The following GPR141 variants were observed in gnomAD, a reference collection of about 807,000 sequenced individuals.
GPR141 encodes G protein-coupled receptor 141.
GPR141 carries 6 observed loss-of-function variants against 6.8 expected under a neutral mutation model. The observed-to-expected ratio is 0.88, with a 90% CI of 0.48 to 1.74. The LOEUF (loss-of-function observed/expected upper bound fraction) is 1.74. Among genes scored for constraint, GPR141 ranks in the 40% most tolerant of loss-of-function variants. The probability of loss-of-function intolerance (pLI) is 0.01; values close to 1 mark genes in which losing one functional copy is unlikely to be tolerated. For missense variants in GPR141, 372 were observed against 372.9 expected (o/e 1.00, Z 0.02); for synonymous variants, 140 against 142.3 (o/e 0.98, Z 0.11).
rs539358690 is a variant in GPR141, at chr7:37,743,199, C to T, written c.*1888C>T. ...TTTTTTTTTCATCAAGGTATATCTT[C>T]GGGATTTAAAAGTTTTTCATAATTT... On this transcript the variant is annotated 3_prime_UTR_variant, in exon 3 of 3. Transcript: ENST00000334425. Among the ~76,000 whole-genome samples, 28 of 144,476 alleles carry T rather than the reference C, an allele frequency of 1.9e-4. No homozygotes were observed. Among genetic ancestry groups the T allele is most frequent in the Non-Finnish European group, 2.7e-4 (18 of 66,342 alleles). 94.8% of individuals were successfully genotyped at this position (144,476 alleles called of 152,430 possible).
rs1812547195 is a variant in GPR141 at position 37,741,228 on chromosome 7, G to A, written c.835G>A (p.Asp279Asn). 3 of 1,612,652 alleles carry A rather than the reference G, an allele frequency of 1.9e-6. No homozygotes were observed. The highest frequency in any genetic ancestry group is 1.7e-5 in the Admixed American group (1 of 59,948). Residue 279 changes from aspartate (D) to asparagine (N), a missense_variant, in exon 3 of 3, where the codon GAT becomes AAT. Transcript: ENST00000334425. Reference protein sequence around the residue: ...FLSVTAISCYDLLLFVFGGSH... With the variant: ...FLSVTAISCYNLLLFVFGGSH... ...GAGTGTAACAGCAATTAGCTGCTATGATTTGCTTCTCTTTGTCTTTGGGGG... is the reference window on the plus strand; with the variant it reads ...GAGTGTAACAGCAATTAGCTGCTATAATTTGCTTCTCTTTGTCTTTGGGGG...
intron 2 of GPR141, among the ~76,000 whole-genome samples, chr7:37,727,804 C>T (rs187108068): frequency 1.3e-5 from 2 of 152,290 alleles, no homozygotes; most frequent in East Asian, 3.9e-4. Flanking sequence ...GTTGCCAAAA[C>T]AAGCTTTCAA....
intron 1 of GPR141, among the ~76,000 whole-genome samples, chr7:37,684,996 A>T (rs950828668): frequency 5.9e-5 from 9 of 152,210 alleles, no homozygotes; most frequent in South Asian, 2.1e-4. Context: ...AACTTTTTCT[A>T]CAAAAGCCTT....
chr7:37,725,933 A>G (rs1395581873), intron 2 of GPR141, among the ~76,000 whole-genome samples: 1 of 151,382 alleles, frequency 6.6e-6, no homozygotes, highest in Non-Finnish European at 1.5e-5. Context: ...ACTTTGGTTC[A>G]CTAATTGATT....
intron 2 of GPR141, among the ~76,000 whole-genome samples, chr7:37,722,990 CTTTCT>C (rs1215396782): frequency 2.3e-5 from 3 of 129,492 alleles, no homozygotes; most frequent in Admixed American, 1.6e-4. Flanking sequence ...TTCTTTCTTT[CTTTCT>C]TTTTTTTTTT....
At chr7:37,736,501 A>G (rs1382079830) in intron 2 of GPR141, among the ~76,000 whole-genome samples, 1 of 151,036 alleles carries the variant, frequency 6.6e-6, no homozygotes, top group African/African-American at 2.4e-5. Flanking sequence ...AGAGGAAAAA[A>G]AAAAAAACAC....
chr7:37,710,109 T>C (rs535768341), intron 2 of GPR141, among the ~76,000 whole-genome samples: 5 of 152,224 alleles, frequency 3.3e-5, no homozygotes, highest in Non-Finnish European at 7.3e-5. Context: ...ACATTTCCTT[T>C]TGAGGCATTG....
chr7:37,684,374 A>G (rs553701043), intron 1 of GPR141, among the ~76,000 whole-genome samples: 3 of 152,356 alleles, frequency 2.0e-5, no homozygotes, highest in African/African-American at 7.2e-5. Flanking sequence ...TAAGCAATCA[A>G]GTACTTAGAA....
chr7:37,727,552 T>C (rs1811695162), intron 2 of GPR141, among the ~76,000 whole-genome samples: 1 of 152,250 alleles, frequency 6.6e-6, no homozygotes, highest in African/African-American at 2.4e-5. Flanking sequence ...TTAGTTCTTT[T>C]GTCTGGGAAA....
At chr7:37,738,756 C>T (rs766174434) in intron 2 of GPR141, among the ~76,000 whole-genome samples, 5 of 151,774 alleles carry the variant, frequency 3.3e-5, no homozygotes, top group African/African-American at 1.2e-4. Context: ...CAATGGTAAC[C>T]AACATGATAT....
rs1433887843 is a variant in GPR141, at chr7:37,726,517, A to G, written c.-14-13863A>G. Among the ~76,000 whole-genome samples, 3 of 152,294 alleles carry G rather than the reference A, an allele frequency of 2.0e-5. No individual in the cohort carries two copies. In the South Asian group the frequency reaches 6.2e-4, roughly 32 times the overall value. ...TTTTTAAATTTAGAAATAATTTTAC[A>G]CAAAACATTTACAATGTTAGAAGAA... is the stretch of plus-strand genomic sequence containing the variant. On this transcript the variant is annotated intron_variant, in intron 2 of 2. Coordinates refer to ENST00000334425, the MANE Select transcript of GPR141 (RefSeq NM_001381946.1).
chr7:37,719,694 C>T (rs1811222269), intron 2 of GPR141, among the ~76,000 whole-genome samples: 1 of 152,102 alleles, frequency 6.6e-6, no homozygotes, highest in African/African-American at 2.4e-5. Flanking sequence ...TCATAGGCAG[C>T]TGAGCAGAAA....
chr7:37,691,901 T>A (rs1349188303), intron 2 of GPR141, among the ~76,000 whole-genome samples: 1 of 152,236 alleles, frequency 6.6e-6, no homozygotes, highest in Non-Finnish European at 1.5e-5. Flanking sequence ...TAACGGGGAT[T>A]CCTTTAGAGT....
chr7:37,689,555 A>G (rs983879413), intron 2 of GPR141, among the ~76,000 whole-genome samples: 25 of 152,034 alleles, frequency 1.6e-4, no homozygotes, highest in African/African-American at 6.0e-4. Flanking sequence ...TTTTAAAATT[A>G]TGGATTCAGT....
chr7:37,726,453 T>C (rs112117960), intron 2 of GPR141, among the ~76,000 whole-genome samples: 2 of 152,072 alleles, frequency 1.3e-5, no homozygotes, highest in Non-Finnish European at 2.9e-5. Flanking sequence ...CAATGAAGAG[T>C]TGACCAACTC....
At chr7:37,717,983 TG>T (rs1811128809) in intron 2 of GPR141, among the ~76,000 whole-genome samples, 1 of 152,172 alleles carries the variant, frequency 6.6e-6, no homozygotes, top group African/African-American at 2.4e-5. Context: ...TTCTTCTCTC[TG>T]GGGTGAAATA....
chr7:37,725,682 A>C (rs1281711141), intron 2 of GPR141, among the ~76,000 whole-genome samples: 1 of 152,176 alleles, frequency 6.6e-6, no homozygotes, highest in Non-Finnish European at 1.5e-5. Flanking sequence ...TGGTTGGTGA[A>C]CCACAATTCA....
chr7:37,736,364 A>G, intron 2 of GPR141, among the ~76,000 whole-genome samples: 1 of 152,178 alleles, frequency 6.6e-6, no homozygotes, highest in Admixed American at 6.5e-5. Context: ...TAACATAACT[A>G]TAATTGAACT....
At chr7:37,693,661 A>AGTG (rs1363936846) in intron 2 of GPR141, among the ~76,000 whole-genome samples, 3 of 152,086 alleles carry the variant, frequency 2.0e-5, no homozygotes, top group African/African-American at 7.2e-5. Context: ...GTACCCCAGA[A>AGTG]TGGTGGGGCA....
Sources: allele counts gnomAD v4.1 joint callset (sites outside exome capture counted in the v4.1 genomes callset), GRCh38; gene constraint gnomAD v4.1.1; transcripts MANE v1.5; gene names NCBI Gene and HGNC (gene_info 2026-07-23, HGNC 2026-07-21).